The following KCP variants were observed in gnomAD, a reference collection of about 807,000 sequenced individuals.
The protein encoded by KCP is kielin cysteine rich BMP regulator, also known as kielin/chordin-like protein.
A neutral mutation model predicts 212.7 loss-of-function variants in KCP; 194 were observed. That is an observed-to-expected ratio of 0.91 (90% CI 0.81 to 1.03). The LOEUF (loss-of-function observed/expected upper bound fraction) is 1.03. KCP is among the 50% of genes least tolerant of loss of function. The pLI, the probability that KCP is intolerant of heterozygous loss-of-function variation, is 0.00. For synonymous variants in KCP, 833 were observed against 865.3 expected (o/e 0.96, Z 0.65); for missense variants, 2,080 against 2,162.5 (o/e 0.96, Z 0.76).
intron 22 of KCP, among the ~76,000 whole-genome samples, chr7:128,888,020 G>A (rs868486640): frequency 8.6e-6 from 1 of 116,062 alleles, no homozygotes; most frequent in East Asian, 2.5e-4. Flanking sequence ...CCCACACACA[G>A]CCACACACAC....
At position 128,881,047 on chromosome 7, in the gene KCP, C is replaced by T; in HGVS notation, c.3463G>A (p.Gly1155Arg). 1 of 398,890 alleles carries T rather than the reference C, an allele frequency of 2.5e-6. No homozygotes were observed. Among genetic ancestry groups the T allele is most frequent in the African/African-American group, 2.1e-5 (1 of 48,770 alleles). The allele number at this position is 398,890 out of a possible 1,614,324, so 24.7% of individuals were successfully genotyped here. Residue 1155 changes from glycine to arginine, a missense_variant, in exon 32 of 40, where the codon GGA becomes AGA. Gly to Arg is a moderately radical substitution (Grantham distance 125). Coordinates refer to ENST00000610776, the MANE Select transcript of KCP (RefSeq NM_001366122.1). ...TTGCTGGGGTCCCGCCAGCTCTCTC[C>T]ATCTGCCACTCTCCGGCCCTCGGCC... is the stretch of plus-strand genomic sequence containing the variant. Reference protein sequence around the residue: ...VEAEGRRVADGESWRDPSNAC... With the variant: ...VEAEGRRVADRESWRDPSNAC...
intron 16 of KCP, among the ~76,000 whole-genome samples, 171 bp from the exon 17 acceptor site, chr7:128,891,990 C>T (rs920742241): frequency 2.0e-5 from 3 of 152,172 alleles, no homozygotes; most frequent in East Asian, 1.9e-4. Context: ...TGAGCACACA[C>T]GAGTGTGCGT....
chr7:128,878,789 C>A, intron 37 of KCP, 67 bp from the exon 38 acceptor site: 1 of 1,459,592 alleles, frequency 6.9e-7, no homozygotes, highest in Non-Finnish European at 9.2e-7. Context: ...CAGGGTCCAT[C>A]ATGGCCCCAG....
chr7:128,905,004 G>A (rs1795053568), intron 5 of KCP, among the ~76,000 whole-genome samples: 2 of 152,082 alleles, frequency 1.3e-5, no homozygotes, highest in Admixed American at 6.5e-5. Context: ...TGTGTGTTGG[G>A]GGAGCGGGGG....
At chr7:128,902,568 C>T (rs971585484) in intron 8 of KCP, among the ~76,000 whole-genome samples, 6 of 152,184 alleles carry the variant, frequency 3.9e-5, no homozygotes, top group South Asian at 2.1e-4. Context: ...TTCACTAACC[C>T]GGGCTGAGCA....
chr7:128,905,230 G>A (rs1224959931), intron 5 of KCP, among the ~76,000 whole-genome samples: 1 of 152,094 alleles, frequency 6.6e-6, no homozygotes, highest in African/African-American at 2.4e-5. Context: ...AGAAGAATAA[G>A]ACGTCAATTT....
rs555255265 is a variant in KCP, at chr7:128,900,974, G to A, written c.831+1803C>T. 1.2e-4 allele frequency among the ~76,000 whole-genome samples: 18 copies of A among 152,344 alleles called. No individual in the cohort carries two copies. In the South Asian group the frequency reaches 3.7e-3, roughly 32 times the overall value. ...ACCTACTGGGCTGCATTCCCAGATG[G>A]TTAGGCATTCTAAGTCACAGGATGA... On this transcript the variant is annotated intron_variant, in intron 8 of 39. Transcript: ENST00000610776.
At position 128,904,071 on chromosome 7, in the gene KCP, T is replaced by C. The variant is rs2128950156; in HGVS notation, c.639A>G (p.Leu213=). 1.9e-6 allele frequency: 3 copies of C among 1,551,184 alleles called. No homozygotes were observed. The highest frequency in any genetic ancestry group is 2.7e-5 in the African/African-American group (2 of 72,904). ...VTFLSSSNPC[L]QCTCLRSRVR... is the part of the protein sequence containing the mutation. Reference sequence around the variant, plus strand: ...GTGGACTCACCAGGCAGGTGCACTGTAGACAAGGGTTGGAGCTGGACAGGA... The same window carrying C: ...GTGGACTCACCAGGCAGGTGCACTGCAGACAAGGGTTGGAGCTGGACAGGA... The change falls in exon 6 of 40, where the codon CTA becomes CTG. Residue 213 remains leucine (L), a synonymous_variant. Coordinates refer to ENST00000610776, the MANE Select transcript of KCP (RefSeq NM_001366122.1).
chr7:128,902,816 C>G lies in KCP; in HGVS notation c.792G>C (p.Trp264Cys). 6.4e-7 allele frequency: 1 copy of G among 1,551,538 alleles called. No individual in the cohort carries two copies. The highest frequency in any genetic ancestry group is 1.2e-5 in the South Asian group (1 of 84,066). The change falls in exon 8 of 40, where the codon TGG (tryptophan) becomes TGC (cysteine). Residue 264 changes from tryptophan to cysteine, a missense_variant. Physicochemically the swap from Trp to Cys is radical, Grantham distance 215. Transcript: ENST00000610776. ...GGSHWEHGQEWTTPGDPCRIC... is the reference protein window; with the variant it reads ...GGSHWEHGQECTTPGDPCRIC... ...TTCGGCAGGGGTCCCCAGGTGTTGT[C>G]CACTCTTGGCCATGTTCCCAGTGAG...
chr7:128,891,166 C>G lies in KCP; in HGVS notation c.1972+19G>C, dbSNP rs992184063. On this transcript the variant is annotated intron_variant, in intron 19 of 39. Coordinates refer to ENST00000610776, the MANE Select transcript of KCP (RefSeq NM_001366122.1). The stretch of plus-strand genomic sequence containing the variant: ...GAGGGGACCCCCAGGGAGGAGCAGC[C>G]GAGGGGTGCGGCCCCTACCTGGGCA... The G allele has an allele frequency of 1.9e-6, 3 of 1,540,680 alleles. No homozygotes were observed. Among genetic ancestry groups the G allele is most frequent in the Non-Finnish European group, 2.6e-6 (3 of 1,145,888 alleles).
At chr7:128,890,316 G>T in intron 21 of KCP, 27 bp downstream of exon 21, 2 of 1,551,430 alleles carry the variant, frequency 1.3e-6, no homozygotes, top group African/African-American at 2.7e-5. Flanking sequence ...ATCCCACCCC[G>T]GCAGCTCCCT....
At chr7:128,878,982 T>C (rs1793154555) in intron 37 of KCP, 5 of 493,886 alleles carry the variant, frequency 1.0e-5, no homozygotes, top group Non-Finnish European at 1.8e-5. Context: ...CCTGCTGCCA[T>C]CCCTGCACTG....
chr7:128,877,768 C>G lies in KCP; in HGVS notation c.4334G>C (p.Gly1445Ala). 6.5e-7 allele frequency: 1 copy of G among 1,549,518 alleles called. No individual in the cohort carries two copies. The highest frequency in any genetic ancestry group is 8.7e-7 in the Non-Finnish European group (1 of 1,146,386). ...CTCTCGGCCTGCAGAACAGGGCCGG[C>G]CAGGCCACAGCCCCTCTGAGACCTG... ...SWQVSEGLWPGRPCSAGREVD... is the reference protein window; with the variant it reads ...SWQVSEGLWPARPCSAGREVD... The change falls in exon 39 of 40, where the codon GGC becomes GCC. Residue 1445 changes from glycine to alanine, a missense_variant. Gly to Ala is a moderately conservative substitution (Grantham distance 60, BLOSUM62 0). Coordinates refer to ENST00000610776, the MANE Select transcript of KCP (RefSeq NM_001366122.1).
chr7:128,882,837 T>C (rs981758209), intron 29 of KCP, among the ~76,000 whole-genome samples: 2 of 152,192 alleles, frequency 1.3e-5, no homozygotes, highest in Non-Finnish European at 2.9e-5. Flanking sequence ...TTTCGGAGGC[T>C]GAGGCGGGTG....
At position 128,893,110 on chromosome 7, in the gene KCP, C is replaced by G; in HGVS notation, c.1268-89G>C. On this transcript the variant is annotated intron_variant, in intron 13 of 39. Transcript: ENST00000610776. ...GACACAGGGACCCCACCTTCGCCAT[C>G]CCCGCTGACACTGTAGAATGGCTAG... 4 of 1,063,298 alleles carry G rather than the reference C, an allele frequency of 3.8e-6. No individual in the cohort carries two copies. The South Asian group carries it at 5.5e-5, about 15-fold the overall frequency. The allele number at this position is 1,063,298 out of a possible 1,614,324, so 65.9% of individuals were successfully genotyped here. A position where few individuals can be genotyped will look rare whatever the true frequency, so the allele number is the denominator to read the frequency against.
chr7:128,903,885 G>A (rs1380627096), intron 6 of KCP, 65 bp from the exon 7 acceptor site: 5 of 1,249,948 alleles, frequency 4.0e-6, no homozygotes, highest in South Asian at 1.3e-5. Flanking sequence ...GTGGGCGGGT[G>A]TTGGGCACCC....
At chr7:128,883,923 C>T (rs1585201213) in intron 29 of KCP, 79 bp downstream of exon 29, 2 of 1,469,812 alleles carry the variant, frequency 1.4e-6, no homozygotes, top group Non-Finnish European at 1.8e-6. Flanking sequence ...GAATCTGGGG[C>T]TGGGACTGGT....
At position 128,885,188 on chromosome 7, in the gene KCP, G is replaced by A. The variant is rs150308488; in HGVS notation, c.2949C>T (p.His983=). The change falls in exon 27 of 40, where the codon CAC becomes CAT. Residue 983 remains histidine (H), a synonymous_variant. Coordinates refer to ENST00000610776, the MANE Select transcript of KCP (RefSeq NM_001366122.1). The part of the protein sequence containing the change: ...PDSACSSCVC[H]EGVVTCARIQ... Reference sequence around the variant, plus strand: ...TGCGTGCACAGGTGACGACGCCCTCGTGACACACACAGGAGGAGCAGGCAC... The same window carrying A: ...TGCGTGCACAGGTGACGACGCCCTCATGACACACACAGGAGGAGCAGGCAC... The A allele has an allele frequency of 2.2e-3, 3,445 of 1,550,850 alleles. 7 individuals carry two copies. Among genetic ancestry groups the A allele is most frequent in the Non-Finnish European group, 2.6e-3 (2,931 of 1,146,982 alleles).
At chr7:128,910,526 GC>G in intron 1 of KCP, 74 bp downstream of exon 1, 1 of 1,341,380 alleles carries the variant, frequency 7.5e-7, no homozygotes, top group Non-Finnish European at 1.0e-6. Flanking sequence ...GCCCCTCTCG[GC>G]CCCCTCAGGC....
Sources: gnomAD v4.1 joint callset for allele counts (sites outside exome capture counted in the v4.1 genomes callset) on GRCh38, gnomAD v4.1.1 for gene constraint, MANE v1.5 for transcripts, NCBI Gene and HGNC (gene_info 2026-07-23, HGNC 2026-07-21) for gene names.